The following NECAB2 variants were observed in gnomAD, a reference collection of about 807,000 sequenced individuals.
The protein encoded by NECAB2 is N-terminal EF-hand calcium-binding protein 2.
A neutral mutation model predicts 51.9 loss-of-function variants in NECAB2; 68 were observed. The observed-to-expected ratio is 1.31, with a 90% CI of 1.08 to 1.60. The LOEUF (loss-of-function observed/expected upper bound fraction) is 1.60, where lower values mean the gene tolerates loss of function less well. Ranked by LOEUF, NECAB2 falls within the 40% of genes most tolerant of loss-of-function variation. The pLI, the probability that NECAB2 is intolerant of heterozygous loss-of-function variation, is 0.00. For missense variants in NECAB2, 854 were observed against 490.3 expected (o/e 1.74, Z -7.00); for synonymous variants, 329 against 203.5 (o/e 1.62, Z -5.25).
intron 1 of NECAB2, among the ~76,000 whole-genome samples, chr16:83,971,029 A>C (rs1246069574): frequency 6.6e-6 from 1 of 151,884 alleles, no homozygotes; most frequent in Non-Finnish European, 1.5e-5. Context: ...GGGAGGCAGA[A>C]GTTGCAGTGA....
intron 12 of NECAB2, 112 bp from the exon 13 acceptor site, chr16:84,002,206 T>G (rs558102319): frequency 2.6e-5 from 35 of 1,335,812 alleles, no homozygotes; most frequent in Non-Finnish European, 3.1e-5. Context: ...GACCTGTGTG[T>G]CACACAAGGA....
At position 84,001,709 on chromosome 16, in the gene NECAB2, C is replaced by T. The variant is rs182970113; in HGVS notation, c.1041-116C>T. ...CCCACAAAGGCTCTGAGTCCAAAGACCCCCCGTGCTTATTGATAAGCTCCC... is the reference window on the plus strand; with the variant it reads ...CCCACAAAGGCTCTGAGTCCAAAGATCCCCCGTGCTTATTGATAAGCTCCC... On this transcript the variant is annotated intron_variant, in intron 11 of 12. Coordinates refer to ENST00000305202, the MANE Select transcript of NECAB2 (RefSeq NM_019065.3). The T allele has an allele frequency of 3.3e-3, 3,534 of 1,065,756 alleles. 70 individuals carry two copies. The African/African-American group carries it at 0.051, about 15-fold the overall frequency. The allele number at this position is 1,065,756 out of a possible 1,614,324, so 66.0% of individuals were successfully genotyped here.
At chr16:83,999,874 G>C (rs1243947928) in intron 10 of NECAB2, among the ~76,000 whole-genome samples, 2 of 139,528 alleles carry the variant, frequency 1.4e-5, no homozygotes, top group South Asian at 2.1e-4. Context: ...ATTTTTAAAG[G>C]TTTTTTGATT....
chr16:84,002,128 C>T (rs570369733), intron 12 of NECAB2, among the ~76,000 whole-genome samples, 190 bp from the exon 13 acceptor site: 1 of 152,194 alleles, frequency 6.6e-6, no homozygotes, highest in Non-Finnish European at 1.5e-5. Context: ...CCCTCCACGG[C>T]CCCCTACTTC....
chr16:83,997,683 C>T (rs1005844583), intron 9 of NECAB2, among the ~76,000 whole-genome samples: 7 of 151,570 alleles, frequency 4.6e-5, no homozygotes, highest in African/African-American at 1.7e-4. Context: ...TAGAGACGGA[C>T]AGGGTTTCAC....
intron 6 of NECAB2, among the ~76,000 whole-genome samples, chr16:83,991,487 C>G (rs369640335): frequency 1.3e-5 from 2 of 151,358 alleles, no homozygotes; most frequent in Non-Finnish European, 2.9e-5. Context: ...CTGCCTCAGC[C>G]TCCCTAGTAG....
At position 84,001,760 on chromosome 16, in the gene NECAB2, CAGG is replaced by C. The variant is rs928984228; in HGVS notation, c.1041-64_1041-62del. 51 of 1,557,578 alleles carry C rather than the reference CAGG, an allele frequency of 3.3e-5. 1 individual carries two copies. The highest frequency in any genetic ancestry group is 4.3e-5 in the Non-Finnish European group (49 of 1,131,158). On this transcript the variant is annotated intron_variant, in intron 11 of 12. Coordinates refer to ENST00000305202, the MANE Select transcript of NECAB2 (RefSeq NM_019065.3). Reference sequence around the variant, plus strand: ...CATTTTGGGCTAGAGCTAGGATTAACAGGGGAGCCACACGCGGAGCTCCACTCC... The same window carrying C: ...CATTTTGGGCTAGAGCTAGGATTAACGGAGCCACACGCGGAGCTCCACTCC...
At chr16:83,976,322 C>G (rs1336606858) in intron 2 of NECAB2, among the ~76,000 whole-genome samples, 3 of 152,216 alleles carry the variant, frequency 2.0e-5, no homozygotes, top group African/African-American at 4.8e-5. Flanking sequence ...GCTGTAGGAC[C>G]TAGGCAAGTA....
chr16:83,987,404 A>G (rs2084569856), intron 5 of NECAB2, among the ~76,000 whole-genome samples: 1 of 152,200 alleles, frequency 6.6e-6, no homozygotes, highest in South Asian at 2.1e-4. Context: ...TGTTTGACGC[A>G]TATAGACTTT....
At chr16:83,979,755 TG>T in intron 3 of NECAB2, among the ~76,000 whole-genome samples, 1 of 117,774 alleles carries the variant, frequency 8.5e-6, no homozygotes, top group East Asian at 2.8e-4. Context: ...TGTGGGTGGG[TG>T]GGGGTGCAGG....
chr16:83,981,096 C>G lies in NECAB2; in HGVS notation c.428C>G (p.Ser143Cys). 24 of 1,614,190 alleles carry G rather than the reference C, an allele frequency of 1.5e-5. No individual in the cohort carries two copies. The highest frequency in any genetic ancestry group is 1.9e-5 in the Non-Finnish European group (22 of 1,180,036). Residue 143 changes from serine (S) to cysteine (C), a missense_variant, in exon 5 of 13, where the codon TCT becomes TGT. Physicochemically the swap from Ser to Cys is moderately radical, Grantham distance 112 (BLOSUM62 -1). Transcript: ENST00000305202. Reference sequence around the variant, plus strand: ...GCCTCCCTGGAGACCTTGAATCACTCTGTCCTGAAGGCCATGGGTTATACC... The same window carrying G: ...GCCTCCCTGGAGACCTTGAATCACTGTGTCCTGAAGGCCATGGGTTATACC... ...VLASLETLNH[S>C]VLKAMGYTKK...
At chr16:83,984,494 G>A (rs528966556) in intron 5 of NECAB2, among the ~76,000 whole-genome samples, 183 of 151,644 alleles carry the variant, frequency 1.2e-3, no homozygotes, top group South Asian at 4.4e-3. Context: ...AGGCCGAGGC[G>A]GGAGGATCGC....
At chr16:83,981,154 G>GTCCAGGTC (rs1555546774) in intron 5 of NECAB2, 27 bp downstream of exon 5, 2 of 1,571,448 alleles carry the variant, frequency 1.3e-6, no homozygotes, top group South Asian at 2.2e-5. Context: ...GGCCCCCGGG[G>GTCCAGGTC]TCCAGGGCTC....
chr16:83,997,232 T>C lies in NECAB2; in HGVS notation c.812T>C (p.Leu271Pro). 2 of 1,614,160 alleles carry C rather than the reference T, an allele frequency of 1.2e-6. No homozygotes were observed. Among genetic ancestry groups the C allele is most frequent in the African/African-American group, 1.3e-5 (1 of 75,032 alleles). Residue 271 changes from leucine (L) to proline (P), a missense_variant, in exon 9 of 13, where the codon CTG (leucine) becomes CCG (proline). Transcript: ENST00000305202. ...RLESKALWFD[L>P]QQRLSDEDGT... Reference sequence around the variant, plus strand: ...TTGTTTCAGGCACTGTGGTTCGACCTGCAGCAGCGCCTGTCAGATGAAGAT... The same window carrying C: ...TTGTTTCAGGCACTGTGGTTCGACCCGCAGCAGCGCCTGTCAGATGAAGAT...
At chr16:83,992,669 ACT>A (rs1439907405) in intron 6 of NECAB2, among the ~76,000 whole-genome samples, 1 of 152,148 alleles carries the variant, frequency 6.6e-6, no homozygotes, top group Non-Finnish European at 1.5e-5. Context: ...ACTCTGAGAC[ACT>A]GTTTCCCAAA....
intron 5 of NECAB2, among the ~76,000 whole-genome samples, chr16:83,984,180 A>G (rs1267837719): frequency 6.6e-6 from 1 of 151,584 alleles, no homozygotes; most frequent in Non-Finnish European, 1.5e-5. Context: ...TATTTTTAGT[A>G]GAGACGGGGT....
intron 2 of NECAB2, among the ~76,000 whole-genome samples, chr16:83,973,165 G>T (rs1358615549): frequency 6.6e-6 from 1 of 152,210 alleles, no homozygotes; most frequent in Non-Finnish European, 1.5e-5. Flanking sequence ...GGAAGAGCAC[G>T]CAACAGAGAC....
At chr16:83,994,140 A>AG (rs1486032696) in intron 6 of NECAB2, among the ~76,000 whole-genome samples, 162 bp from the exon 7 acceptor site, 2 of 152,238 alleles carry the variant, frequency 1.3e-5, no homozygotes, top group East Asian at 3.8e-4. Flanking sequence ...ACCTGCTTTA[A>AG]GAACCTCATT....
intron 11 of NECAB2, among the ~76,000 whole-genome samples, chr16:84,001,362 C>T (rs957957795): frequency 3.9e-5 from 6 of 152,056 alleles, no homozygotes; most frequent in Non-Finnish European, 7.4e-5. Flanking sequence ...CCCCCATCTC[C>T]TGCTTCCCTG....
Sources: allele counts gnomAD v4.1 joint callset (sites outside exome capture counted in the v4.1 genomes callset), GRCh38; gene constraint gnomAD v4.1.1; transcripts MANE v1.5; gene names NCBI Gene and HGNC (gene_info 2026-07-23, HGNC 2026-07-21).